TRPV2: variants seen among roughly 807,000 people sequenced by gnomAD.
The protein encoded by TRPV2 is transient receptor potential cation channel subfamily V member 2.
TRPV2 carries 58 observed loss-of-function variants against 91.0 expected under a neutral mutation model. The observed-to-expected ratio is 0.64, with a 90% confidence interval of 0.52 to 0.79. The LOEUF (loss-of-function observed/expected upper bound fraction) is 0.79, where lower values mean the gene tolerates loss of function less well. TRPV2 is among the 30% of genes least tolerant of loss of function. TRPV2 has a pLI of 0.00. For missense variants in TRPV2, 807 were observed against 969.6 expected (o/e 0.83, Z 2.23); for synonymous variants, 417 against 414.8 (o/e 1.01, Z -0.06).
chr17:16,435,072 T>C lies in TRPV2; in HGVS notation c.2194+103T>C, dbSNP rs1013235741. On this transcript the variant is annotated intron_variant, in intron 14 of 14. Transcript: ENST00000338560. This position sits in a 1 kb window ranked among gnomAD's most constrained non-coding sequence, Gnocchi z 4.2. ...GGGGCAGGACCCAGAGACCTCCTCA[T>C]AGTCCCTTTGCAGATCCCCACATGC... The C allele has an allele frequency of 5.5e-6, 5 of 908,902 alleles. No individual in the cohort carries two copies. In the African/African-American group the frequency reaches 8.7e-5, roughly 16 times the overall value. The allele number at this position is 908,902 out of a possible 1,614,324, so 56.3% of individuals were successfully genotyped here.
intron 12 of TRPV2, chr17:16,433,359 G>T: frequency 1.7e-6 from 1 of 573,082 alleles, no homozygotes; most frequent in South Asian, 2.0e-5. Flanking sequence ...TTTGTCCTCA[G>T]TCTACAAATG....
intron 2 of TRPV2, among the ~76,000 whole-genome samples, chr17:16,418,858 A>G (rs1280822496): frequency 6.6e-6 from 1 of 152,122 alleles, no homozygotes; most frequent in Non-Finnish European, 1.5e-5. Context: ...CCTCATGGTC[A>G]TGTGTGGCTT....
chr17:16,417,562 G>C lies in TRPV2; in HGVS notation c.-107G>C. On this transcript the variant is annotated splice_region_variant and 5_prime_UTR_variant, in exon 2 of 15. Transcript: ENST00000338560. ...ACTAACCTAATACCTCCTTTTGCAG[G>C]CTCCAGTCAGGCCAACACCGACGCG... 8.2e-7 allele frequency: 1 copy of C among 1,217,914 alleles called. No individual in the cohort carries two copies. The highest frequency in any genetic ancestry group is 1.4e-5 in the South Asian group (1 of 73,582). The allele number at this position is 1,217,914 out of a possible 1,614,324, so 75.4% of individuals were successfully genotyped here.
chr17:16,427,507 T>C lies in TRPV2; in HGVS notation c.1310T>C (p.Ile437Thr), dbSNP rs201664451. 6.2e-7 allele frequency: 1 copy of C among 1,613,756 alleles called. No individual in the cohort carries two copies. Among genetic ancestry groups the C allele is most frequent in the East Asian group, 2.2e-5 (1 of 44,868 alleles). Residue 437 changes from isoleucine (I) to threonine (T), a missense_variant, in exon 8 of 15, where the codon ATC (isoleucine) becomes ACC (threonine). Physicochemically the swap from Ile to Thr is moderately conservative, Grantham distance 89. Coordinates refer to ENST00000338560, the MANE Select transcript of TRPV2 (RefSeq NM_016113.5). Reference protein sequence around the residue: ...VGNSMLLTGHILILLGGIYLL... With the variant: ...VGNSMLLTGHTLILLGGIYLL... The stretch of plus-strand genomic sequence containing the variant: ...AACTCCATGCTGCTGACGGGCCACA[T>C]CCTTATCCTGCTAGGGGGGATCTAC...
At position 16,417,775 on chromosome 17, in the gene TRPV2, T is replaced by C; in HGVS notation, c.107T>C (p.Leu36Pro). ...GGAAAGCTGGATTTTGGGAGCGGGC[T>C]GCCTCCCATGGAGTCACAGTTCCAG... ...DRGKLDFGSG[L>P]PPMESQFQGE... The change falls in exon 2 of 15, where the codon CTG becomes CCG. Residue 36 changes from leucine to proline, a missense_variant. By Grantham distance (98) the Leu-to-Pro change is moderately conservative. Coordinates refer to ENST00000338560, the MANE Select transcript of TRPV2 (RefSeq NM_016113.5). 2 of 1,614,216 alleles carry C rather than the reference T, an allele frequency of 1.2e-6. No homozygotes were observed. The highest frequency in any genetic ancestry group is 2.2e-5 in the South Asian group (2 of 91,088).
chr17:16,423,420 A>G (rs1600968107), intron 4 of TRPV2, 49 bp from the exon 5 acceptor site: 1 of 1,550,990 alleles, frequency 6.4e-7, no homozygotes, highest in Non-Finnish European at 8.7e-7. Flanking sequence ...AGGAGTAGGC[A>G]GATGGAAAGC....
intron 13 of TRPV2, 104 bp from the exon 14 acceptor site, chr17:16,434,786 G>C: frequency 1.9e-6 from 2 of 1,076,750 alleles, no homozygotes; most frequent in Non-Finnish European, 2.8e-6. Context: ...GTCCACCAGA[G>C]CATCTCTGCA....
Position 16,436,878 on chromosome 17 carries a change from C to T in TRPV2, c.2284C>T (p.Gln762Ter), listed in dbSNP as rs1228375973. Reference sequence around the variant, plus strand: ...AAACTATGTGCCCGTCCAGCTCCTCCAGTCCAACTGATGGCCCAGATGCAG... The same window carrying T: ...AAACTATGTGCCCGTCCAGCTCCTCTAGTCCAACTGATGGCCCAGATGCAG... ...EENYVPVQLLQSN is the reference protein window; with the variant it reads ...EENYVPVQLL The change falls in exon 15 of 15, where the codon CAG (glutamine) becomes TAG (stop). Residue 762 changes from glutamine (Q) to a stop codon, truncating the protein, a stop_gained. Transcript: ENST00000338560. LOFTEE classifies it high-confidence loss of function. 1.2e-6 allele frequency: 2 copies of T among 1,613,948 alleles called. No individual in the cohort carries two copies. Among genetic ancestry groups the T allele is most frequent in the African/African-American group, 2.7e-5 (2 of 75,044 alleles).
intron 5 of TRPV2, among the ~76,000 whole-genome samples, chr17:16,424,150 C>T (rs1349088715): frequency 6.9e-6 from 1 of 144,808 alleles, no homozygotes; most frequent in African/African-American, 2.6e-5. Flanking sequence ...CCACCACACC[C>T]AGCTAATTTT....
chr17:16,430,487 C>CT (rs576176898), intron 10 of TRPV2, among the ~76,000 whole-genome samples: 14,669 of 80,450 alleles, frequency 0.18, 1,657 homozygotes, highest in African/African-American at 0.32. Flanking sequence ...AAATGCCTTC[C>CT]TTTTTTTTTT....
chr17:16,434,187 G>A (rs960474422), intron 13 of TRPV2, among the ~76,000 whole-genome samples: 6 of 152,172 alleles, frequency 3.9e-5, no homozygotes, highest in Non-Finnish European at 7.3e-5. Context: ...AGACACTGTC[G>A]GCCGGGTGCA....
chr17:16,436,715 C>T (rs2093435194), intron 14 of TRPV2, 74 bp from the exon 15 acceptor site: 1 of 1,067,074 alleles, frequency 9.4e-7, no homozygotes, highest in Admixed American at 1.7e-5. Flanking sequence ...ATGACTGTGG[C>T]CCCGTTTCCC....
chr17:16,423,344 C>T, intron 4 of TRPV2, 125 bp from the exon 5 acceptor site: 1 of 1,135,040 alleles, frequency 8.8e-7, no homozygotes, highest in Non-Finnish European at 1.2e-6. Flanking sequence ...CCCTGTTCTG[C>T]TCCCTTCAGT....
Position 16,426,072 on chromosome 17 carries a change from A to T in TRPV2, c.925-27A>T. ...GATCAGTGCCAGGAAGGGACCATGA[A>T]TGCAAGCTCATATGGCCACCCTGCA... On this transcript the variant is annotated intron_variant, in intron 5 of 14. Transcript: ENST00000338560. This position sits in a 1 kb window ranked among gnomAD's most constrained non-coding sequence, Gnocchi z 6.0. 6.2e-7 allele frequency: 1 copy of T among 1,613,416 alleles called. No individual in the cohort carries two copies. Among genetic ancestry groups the T allele is most frequent in the South Asian group, 1.1e-5 (1 of 91,026 alleles).
At position 16,420,167 on chromosome 17, in the gene TRPV2, C is replaced by T. The variant is rs534026514; in HGVS notation, c.253C>T (p.Arg85Trp). ...DRDRLFNAVS[R>W]GVPEDLAGLP... ...AGATCGGCTCTTCAATGCGGTCTCCCGGGGTGTCCCCGAGGATCTGGCTGG... is the reference window on the plus strand; with the variant it reads ...AGATCGGCTCTTCAATGCGGTCTCCTGGGGTGTCCCCGAGGATCTGGCTGG... Residue 85 changes from arginine (R) to tryptophan (W), a missense_variant, in exon 3 of 15, where the codon CGG becomes TGG. By Grantham distance (101) the Arg-to-Trp change is moderately radical (BLOSUM62 -3). Coordinates refer to ENST00000338560, the MANE Select transcript of TRPV2 (RefSeq NM_016113.5). 6.1e-5 allele frequency: 99 copies of T among 1,614,158 alleles called. No individual in the cohort carries two copies. The highest frequency in any genetic ancestry group is 4.4e-4 in the South Asian group (40 of 91,080).
At chr17:16,422,421 A>G (rs1380598480) in intron 3 of TRPV2, among the ~76,000 whole-genome samples, 178 bp from the exon 4 acceptor site, 1 of 152,156 alleles carries the variant, frequency 6.6e-6, no homozygotes, top group Admixed American at 6.5e-5. Flanking sequence ...GGTATTTCTT[A>G]TCTGTTACTT....
intron 2 of TRPV2, chr17:16,419,377 T>C (rs1376644068): frequency 4.3e-6 from 2 of 470,124 alleles, no homozygotes; most frequent in South Asian, 3.1e-5. Flanking sequence ...GTGTCTGATA[T>C]GTTTCAACAT....
At chr17:16,418,739 C>T (rs564467392) in intron 2 of TRPV2, among the ~76,000 whole-genome samples, 1 of 152,052 alleles carries the variant, frequency 6.6e-6, no homozygotes, top group Non-Finnish European at 1.5e-5. Flanking sequence ...CAATGGGCTT[C>T]CCTACCCCAG....
rs2093384757 is a variant in TRPV2, at chr17:16,426,712, C to T, written c.1096-10C>T. The T allele has an allele frequency of 1.2e-6, 2 of 1,610,502 alleles. No individual in the cohort carries two copies. Among genetic ancestry groups the T allele is most frequent in the African/African-American group, 2.7e-5 (2 of 74,852 alleles). ...TGAGTGTACCCATGGCTCTCCCCTC[C>T]CCACCCCAGCACCGACACCGAATGG... On this transcript the variant is annotated splice_polypyrimidine_tract_variant and intron_variant, in intron 6 of 14. Coordinates refer to ENST00000338560, the MANE Select transcript of TRPV2 (RefSeq NM_016113.5). This position sits in a 1 kb window ranked among gnomAD's most constrained non-coding sequence, Gnocchi z 6.0.
Sources: gnomAD v4.1 joint callset for allele counts (sites outside exome capture counted in the v4.1 genomes callset) on GRCh38, gnomAD v4.1.1 for gene constraint, Gnocchi (gnomAD v3.1) non-coding constraint, MANE v1.5 for transcripts, NCBI Gene and HGNC (gene_info 2026-07-23, HGNC 2026-07-21) for gene names.